The following C2CD5 variants were observed in gnomAD, a reference collection of about 807,000 sequenced individuals.
C2CD5 encodes C2 domain-containing protein 5.
Under a neutral mutation model 130.3 loss-of-function variants are expected in C2CD5, and 109 were observed. That is an observed-to-expected ratio of 0.84 (90% confidence interval 0.72 to 0.98). The LOEUF (loss-of-function observed/expected upper bound fraction) is 0.98. Among genes scored for constraint, C2CD5 ranks in the 50% least tolerant of loss-of-function variants. C2CD5 has a pLI of 0.00. For missense variants in C2CD5, 996 were observed against 1,261.8 expected (o/e 0.79, Z 3.19); for synonymous variants, 454 against 429.2 (o/e 1.06, Z -0.71).
At chr12:22,492,509 G>A (rs919102010) in intron 11 of C2CD5, among the ~76,000 whole-genome samples, 1 of 152,118 alleles carries the variant, frequency 6.6e-6, no homozygotes, top group African/African-American at 2.4e-5. Context: ...AGTTAAGTGG[G>A]GTCAGACGAC....
intron 9 of C2CD5, among the ~76,000 whole-genome samples, chr12:22,507,127 C>G (rs1338698039): frequency 1.3e-5 from 2 of 152,204 alleles, no homozygotes; most frequent in African/African-American, 4.8e-5. Context: ...ATCTCCAACT[C>G]TGATGGAACT....
chr12:22,512,699 T>A (rs1478061411), intron 9 of C2CD5: 179 of 1,239,134 alleles, frequency 1.4e-4, no homozygotes, highest in South Asian at 2.9e-4. Flanking sequence ...GAAGTTTATT[T>A]AAAAAAAAAA....
At chr12:22,540,334 T>C (rs1308123912) in intron 2 of C2CD5, among the ~76,000 whole-genome samples, 1 of 152,302 alleles carries the variant, frequency 6.6e-6, no homozygotes, top group East Asian at 1.9e-4. Flanking sequence ...TATGCTAAAA[T>C]CTAGAGAAAA....
At chr12:22,465,782 C>T (rs1941969838) in intron 22 of C2CD5, among the ~76,000 whole-genome samples, 1 of 151,994 alleles carries the variant, frequency 6.6e-6, no homozygotes, top group South Asian at 2.1e-4. Context: ...TTTGCTATAG[C>T]TATCATTTTT....
intron 10 of C2CD5, among the ~76,000 whole-genome samples, chr12:22,501,457 T>A (rs542061283): frequency 6.6e-6 from 1 of 152,312 alleles, no homozygotes; most frequent in South Asian, 2.1e-4. Flanking sequence ...ATATTATTAA[T>A]GGTCAATATG....
chr12:22,513,852 G>A (rs760898401), intron 8 of C2CD5, among the ~76,000 whole-genome samples: 2 of 152,068 alleles, frequency 1.3e-5, no homozygotes, highest in East Asian at 1.9e-4. Flanking sequence ...AAATTCAGGT[G>A]AGTCTGAAAT....
chr12:22,530,885 CCAT>C (rs1464099312), intron 3 of C2CD5, among the ~76,000 whole-genome samples: 2 of 152,088 alleles, frequency 1.3e-5, no homozygotes, highest in Non-Finnish European at 2.9e-5. Context: ...CAGTTTATTA[CCAT>C]CATCATTAAA....
intron 22 of C2CD5, among the ~76,000 whole-genome samples, chr12:22,464,835 C>T (rs969392588): frequency 2.6e-5 from 4 of 152,016 alleles, no homozygotes; most frequent in African/African-American, 9.7e-5. Flanking sequence ...TATATATAGT[C>T]ATAAGAATTC....
Position 22,483,902 on chromosome 12 carries a change from G to A in C2CD5, c.1550+795C>T, listed in dbSNP as rs573499855. Among the ~76,000 whole-genome samples, 6 of 152,170 alleles carry A rather than the reference G, an allele frequency of 3.9e-5. No homozygotes were observed. The South Asian group carries it at 1.2e-3, about 32-fold the overall frequency. On this transcript the variant is annotated intron_variant, in intron 13 of 26. Coordinates refer to ENST00000446597, the MANE Select transcript of C2CD5 (RefSeq NM_001286176.2). ...AGATGCCTATGGCTTATCAAAATGG[G>A]GTATGAAGTAGACAGGTATAAGTCT... is the stretch of plus-strand genomic sequence containing the variant.
intron 10 of C2CD5, among the ~76,000 whole-genome samples, chr12:22,494,045 T>C (rs1281131441): frequency 1.3e-5 from 2 of 152,090 alleles, no homozygotes; most frequent in African/African-American, 4.8e-5. Flanking sequence ...TCTATTTTAT[T>C]ACCAGAGAAG....
At chr12:22,460,186 T>A in intron 22 of C2CD5, among the ~76,000 whole-genome samples, 1 of 152,334 alleles carries the variant, frequency 6.6e-6, no homozygotes, top group South Asian at 2.1e-4. Context: ...GAATTTTCCC[T>A]GATATTTTTT....
chr12:22,450,359 A>G (rs1020842252), intron 26 of C2CD5, among the ~76,000 whole-genome samples: 5 of 152,144 alleles, frequency 3.3e-5, no homozygotes, highest in Non-Finnish European at 7.4e-5. Context: ...CATGTATGCA[A>G]CAAAGATTAA....
intron 9 of C2CD5, chr12:22,512,696 AT>A (rs1487685120): frequency 9.5e-6 from 14 of 1,468,762 alleles, no homozygotes; most frequent in South Asian, 4.1e-5. Flanking sequence ...AATGAAGTTT[AT>A]TTAAAAAAAA....
Position 22,492,842 on chromosome 12 carries a change from C to T in C2CD5, c.1262+381G>A, listed in dbSNP as rs11046444. ...CAAACTTTAAAGACACATTGCAATT[C>T]GTTTACAGTAGATCAAGGGTTCCAA... is the stretch of plus-strand genomic sequence containing the variant. On this transcript the variant is annotated intron_variant, in intron 11 of 26. Transcript: ENST00000446597. Among the ~76,000 whole-genome samples the T allele has an allele frequency of 3.6e-3, 542 of 152,114 alleles. 2 individuals are homozygous for T. The highest frequency in any genetic ancestry group is 6.8e-3 in the Middle Eastern group (2 of 294).
chr12:22,480,286 TC>T (rs1565692653), intron 14 of C2CD5, among the ~76,000 whole-genome samples: 1 of 152,098 alleles, frequency 6.6e-6, no homozygotes, highest in Non-Finnish European at 1.5e-5. Flanking sequence ...TCTCAACCTA[TC>T]ACAGCACACA....
chr12:22,481,327 ATT>A (rs2082582969), intron 14 of C2CD5, among the ~76,000 whole-genome samples: 1 of 152,202 alleles, frequency 6.6e-6, no homozygotes, highest in Admixed American at 6.5e-5. Context: ...ATTTCTTAAA[ATT>A]AAATGTCTAT....
rs1402713950 is a variant in C2CD5 at position 22,513,331 on chromosome 12, A to G, written c.1001T>C (p.Leu334Pro). ...CGCTGATTGAGTCTGTTGTCTTAAA[A>G]GAGCTTTAAAGGGCCCCCCTTCTTT... is the stretch of plus-strand genomic sequence containing the variant. ...AGKEGGPFKALLRQQTQSALE... is the reference protein window; with the variant it reads ...AGKEGGPFKAPLRQQTQSALE... The change falls in exon 9 of 27, where the codon CTT becomes CCT. Residue 334 changes from leucine (L) to proline (P), a missense_variant. By Grantham distance (98) the Leu-to-Pro change is moderately conservative. Around this residue, in one of 9 missense-constraint regions of C2CD5, gnomAD observed 156 missense variants for 165.9 expected, o/e 0.94. Transcript: ENST00000446597. 6.2e-7 allele frequency: 1 copy of G among 1,612,394 alleles called. No homozygotes were observed. The highest frequency in any genetic ancestry group is 8.5e-7 in the Non-Finnish European group (1 of 1,178,572).
At chr12:22,528,579 T>C (rs1471799209) in intron 3 of C2CD5, among the ~76,000 whole-genome samples, 1 of 152,184 alleles carries the variant, frequency 6.6e-6, no homozygotes, top group Admixed American at 6.5e-5. Flanking sequence ...TCAAATATAG[T>C]GGCCAGAAGG....
chr12:22,508,329 A>G (rs992640668), intron 9 of C2CD5, among the ~76,000 whole-genome samples: 3 of 152,336 alleles, frequency 2.0e-5, no homozygotes. Flanking sequence ...ATAGCCCAGC[A>G]GAAAGGTAGA....
Sources: allele counts gnomAD v4.1 joint callset (sites outside exome capture counted in the v4.1 genomes callset), GRCh38; gene constraint gnomAD v4.1.1; regional missense constraint gnomAD v4.1.1; transcripts MANE v1.5; gene names NCBI Gene and HGNC (gene_info 2026-07-23, HGNC 2026-07-21).